CUL5: variants seen among roughly 807,000 people sequenced by gnomAD.
The protein encoded by CUL5 is cullin-5.
Under a neutral mutation model 108.8 loss-of-function variants are expected in CUL5, and 26 were observed. The observed-to-expected ratio is 0.24, with a 90% confidence interval of 0.18 to 0.33. The LOEUF is 0.33. CUL5 is among the 10% of genes least tolerant of loss of function. The pLI, the probability that CUL5 is intolerant of heterozygous loss-of-function variation, is 1.00. For missense variants in CUL5, 524 were observed against 909.2 expected (o/e 0.58, Z 5.45); for synonymous variants, 334 against 298.0 (o/e 1.12, Z -1.25).
At chr11:108,061,253 G>C (rs1200453378) in intron 7 of CUL5, among the ~76,000 whole-genome samples, 1 of 152,206 alleles carries the variant, frequency 6.6e-6, no homozygotes, top group African/African-American at 2.4e-5. Flanking sequence ...GATCAACTAT[G>C]TATATAGTAA....
intron 7 of CUL5, among the ~76,000 whole-genome samples, chr11:108,063,153 T>C (rs1357452629): frequency 1.3e-5 from 2 of 152,172 alleles, no homozygotes; most frequent in Non-Finnish European, 2.9e-5. Context: ...CTATTCATTC[T>C]GGTTTTTTTG....
intron 1 of CUL5, 94 bp downstream of exon 1, chr11:108,009,466 G>T: frequency 7.2e-7 from 1 of 1,388,408 alleles, no homozygotes; most frequent in Non-Finnish European, 1.0e-6. Flanking sequence ...CGAAGTGTGG[G>T]AGTGTTCAGG....
In CUL5 at chr11:108,049,891, G is replaced by T; in HGVS notation, c.236G>T (p.Arg79Leu). The change falls in exon 4 of 19, where the codon CGA becomes CTA. Residue 79 changes from arginine (R) to leucine (L), a missense_variant and splice_region_variant. Physicochemically the swap from Arg to Leu is moderately radical, Grantham distance 102 (BLOSUM62 -2). This residue lies in a region of CUL5 where 170 missense variants were observed against 305.1 expected (regional missense o/e 0.56). Transcript: ENST00000393094. The stretch of plus-strand genomic sequence containing the variant: ...AATTGGTACACCTCTTTTTTTCAGC[G>T]AGTACTGAGCCATCAAGATGATACG... ...ILEFIKQAQA[R>L]VLSHQDDTAL... The T allele has an allele frequency of 1.2e-6, 2 of 1,600,418 alleles. No individual in the cohort carries two copies. The highest frequency in any genetic ancestry group is 1.7e-6 in the Non-Finnish European group (2 of 1,175,406).
At chr11:108,013,576 A>C (rs1206904368) in intron 1 of CUL5, among the ~76,000 whole-genome samples, 3 of 152,022 alleles carry the variant, frequency 2.0e-5, no homozygotes, top group Non-Finnish European at 2.9e-5. Context: ...TCATCTCCCT[A>C]ATAACTAACT....
chr11:108,076,636 G>T (rs1863948178), intron 10 of CUL5, among the ~76,000 whole-genome samples: 1 of 152,146 alleles, frequency 6.6e-6, no homozygotes, highest in Admixed American at 6.5e-5. Context: ...CTGAGGTTGT[G>T]TCCATATTTT....
intron 8 of CUL5, among the ~76,000 whole-genome samples, chr11:108,071,855 G>C (rs1379208280): frequency 6.6e-6 from 1 of 152,034 alleles, no homozygotes; most frequent in East Asian, 1.9e-4. Context: ...CACCCAGCCT[G>C]ATCACTTTTA....
chr11:108,095,437 C>T (rs1293005204), intron 15 of CUL5, 93 bp from the exon 16 acceptor site: 2 of 886,994 alleles, frequency 2.3e-6, no homozygotes, highest in East Asian at 2.7e-5. Context: ...TACTGGAAGA[C>T]AGCAACCTTT....
In CUL5 at chr11:108,088,660, G is replaced by C; in HGVS notation, c.1311+1G>C. Reference sequence around the variant, plus strand: ...GATTGAAGCAAAGCTTAAAGAAGTGGTACATGAATTTTTTGTATTTCAACT... The same window carrying C: ...GATTGAAGCAAAGCTTAAAGAAGTGCTACATGAATTTTTTGTATTTCAACT... On this transcript the variant is annotated splice_donor_variant, in intron 12 of 18. Transcript: ENST00000393094. LOFTEE classifies it high-confidence loss of function. The C allele has an allele frequency of 6.4e-7, 1 of 1,568,610 alleles. No homozygotes were observed.
intron 3 of CUL5, among the ~76,000 whole-genome samples, chr11:108,046,862 AT>A (rs1863081560): frequency 6.6e-6 from 1 of 152,230 alleles, no homozygotes; most frequent in Admixed American, 6.5e-5. Flanking sequence ...TCAAAAGCTC[AT>A]TTAGGCATTA....
At chr11:108,024,304 G>A (rs930059263) in intron 1 of CUL5, among the ~76,000 whole-genome samples, 1 of 152,132 alleles carries the variant, frequency 6.6e-6, no homozygotes, top group African/African-American at 2.4e-5. Context: ...AATCCTAGCA[G>A]TTTGGGAGGC....
At chr11:108,089,355 G>C in intron 12 of CUL5, 137 bp from the exon 13 acceptor site, 1 of 512,750 alleles carries the variant, frequency 2.0e-6, no homozygotes, top group Admixed American at 4.2e-5. Context: ...TCTCAGAGAT[G>C]GATAATTCAG....
At chr11:108,067,534 A>G (rs1483050249) in intron 7 of CUL5, among the ~76,000 whole-genome samples, 1 of 151,772 alleles carries the variant, frequency 6.6e-6, no homozygotes, top group Non-Finnish European at 1.5e-5. Context: ...GTTCTGTCCT[A>G]TGTACATTTT....
chr11:108,041,910 G>C (rs962269000), intron 2 of CUL5, among the ~76,000 whole-genome samples: 1 of 152,002 alleles, frequency 6.6e-6, no homozygotes, highest in Non-Finnish European at 1.5e-5. Flanking sequence ...TTCTTAAAAG[G>C]CTTCTTAAAC....
At chr11:108,071,948 G>A (rs1177167090) in intron 8 of CUL5, among the ~76,000 whole-genome samples, 8 of 152,050 alleles carry the variant, frequency 5.3e-5, no homozygotes, top group Admixed American at 6.6e-5. Flanking sequence ...AGACCAAGGC[G>A]AGAGGATTGT....
chr11:108,020,147 G>A (rs925386866), intron 1 of CUL5, among the ~76,000 whole-genome samples: 3 of 152,112 alleles, frequency 2.0e-5, no homozygotes, highest in Non-Finnish European at 4.4e-5. Context: ...GAGGCTTGGT[G>A]GACAAACATC....
rs117204054 is a variant in CUL5, at chr11:108,010,912, T to A, written c.24+1540T>A. ...TACATTAATTTAATCTTCACAGTGT[T>A]CCTACAATATAGGTGCTATTGATAA... On this transcript the variant is annotated intron_variant, in intron 1 of 18. Transcript: ENST00000393094. Among the ~76,000 whole-genome samples the A allele has an allele frequency of 2.8e-3, 427 of 152,302 alleles. 1 individual carries two copies. The highest frequency in any genetic ancestry group is 4.6e-3 in the Admixed American group (71 of 15,294).
chr11:108,011,401 G>A (rs1051319762), intron 1 of CUL5, among the ~76,000 whole-genome samples: 23 of 152,118 alleles, frequency 1.5e-4, no homozygotes, highest in Admixed American at 2.0e-4. Context: ...ACCTGTGAAT[G>A]GGAAAACTGC....
intron 16 of CUL5, among the ~76,000 whole-genome samples, chr11:108,096,438 A>G (rs1246463607): frequency 6.6e-6 from 1 of 151,952 alleles, no homozygotes; most frequent in African/African-American, 2.4e-5. Context: ...GTGAGCCACA[A>G]TCACACCACT....
chr11:108,009,361 A>G lies in CUL5; in HGVS notation c.13A>G (p.Asn5Asp). 5.0e-6 allele frequency: 8 copies of G among 1,613,084 alleles called. No individual in the cohort carries two copies. The highest frequency in any genetic ancestry group is 5.9e-6 in the Non-Finnish European group (7 of 1,179,630). MATS[N>D]LLKNKGSLQF... ...CAAGTTAAAGAACATGGCGACGTCT[A>G]ATCTGTTAAAGGTAAGACCCTCACT... The change falls in exon 1 of 19, where the codon AAT becomes GAT. Residue 5 changes from asparagine (N) to aspartate (D), a missense_variant. By Grantham distance (23) the Asn-to-Asp change is conservative (BLOSUM62 1). Around this residue, in one of 8 missense-constraint regions of CUL5, gnomAD observed 76 missense variants for 90.8 expected, o/e 0.84. Coordinates refer to ENST00000393094, the MANE Select transcript of CUL5 (RefSeq NM_003478.6).
Sources: gnomAD v4.1 joint callset for allele counts (sites outside exome capture counted in the v4.1 genomes callset) on GRCh38, gnomAD v4.1.1 for gene constraint, gnomAD v4.1.1 regional missense constraint, MANE v1.5 for transcripts, NCBI Gene and HGNC (gene_info 2026-07-23, HGNC 2026-07-21) for gene names.